The following DTNA variants were observed in gnomAD, a reference collection of about 807,000 sequenced individuals.
DTNA encodes the protein dystrophin-related protein 3.
Under a neutral mutation model 100.7 loss-of-function variants are expected in DTNA, and 43 were observed. The ratio of observed to expected loss-of-function variants is 0.43; its 90% CI spans 0.33 to 0.55. DTNA has a LOEUF of 0.55. DTNA is among the 20% of genes least tolerant of loss of function. The pLI, the probability that DTNA is intolerant of heterozygous loss-of-function variation, is 0.04. For synonymous variants in DTNA, 349 were observed against 347.9 expected, an observed-to-expected ratio of 1.00 and a Z score of -0.04; for missense variants, 798 against 953.9, an observed-to-expected ratio of 0.84 and a Z score of 2.15.
rs267605180 is a variant in DTNA, at chr18:34,875,355, C to G, written c.1860C>G (p.Ser620=). Residue 620 remains serine (S), a synonymous_variant, in exon 18 of 23, where the codon TCC becomes TCG. Coordinates refer to ENST00000444659, the MANE Select transcript of DTNA (RefSeq NM_001386795.1). ...CCCCGACGCACACGCCGCAGGACTC[C>G]CTCACAGGAGTAGGGGGAGATGTAC... ...CSTPTHTPQD[S]LTGVGGDVQE... 6.2e-7 allele frequency: 1 copy of G among 1,614,194 alleles called. No homozygotes were observed. The highest frequency in any genetic ancestry group is 8.5e-7 in the Non-Finnish European group (1 of 1,180,038).
At chr18:34,875,537 C>G (rs1322725999) in intron 18 of DTNA, 139 bp downstream of exon 18, 1 of 1,312,058 alleles carries the variant, frequency 7.6e-7, no homozygotes, top group African/African-American at 1.5e-5. Flanking sequence ...GCCTGGCCTG[C>G]CAGCCATTTT....
intron 1 of DTNA, among the ~76,000 whole-genome samples, chr18:34,611,133 G>GA (rs1216940309): frequency 1.3e-5 from 2 of 152,150 alleles, no homozygotes; most frequent in Non-Finnish European, 2.9e-5. Context: ...CATATGCTCA[G>GA]AAAAAATATA....
chr18:34,526,935 T>C (rs1328112893), intron 1 of DTNA, among the ~76,000 whole-genome samples: 1 of 152,148 alleles, frequency 6.6e-6, no homozygotes, highest in Non-Finnish European at 1.5e-5. Context: ...TTTTCAATGC[T>C]GTGATGATTT....
At chr18:34,661,150 C>G (rs771345973) in intron 1 of DTNA, among the ~76,000 whole-genome samples, 1 of 152,150 alleles carries the variant, frequency 6.6e-6, no homozygotes, top group Non-Finnish European at 1.5e-5. Context: ...ATTCCATTCT[C>G]CACCCTGAAA....
intron 1 of DTNA, among the ~76,000 whole-genome samples, chr18:34,731,578 AATG>A (rs934155990): frequency 2.6e-5 from 4 of 152,316 alleles, no homozygotes; most frequent in East Asian, 1.9e-4. Context: ...ATAATGAAGA[AATG>A]ATGATGATGA....
At chr18:34,858,607 G>A (rs2096580143) in intron 16 of DTNA, among the ~76,000 whole-genome samples, 2 of 152,170 alleles carry the variant, frequency 1.3e-5, no homozygotes, top group Admixed American at 1.3e-4. Context: ...GGGAAAAGCA[G>A]TGTGTTTCTG....
At chr18:34,532,206 A>G (rs76646883) in intron 1 of DTNA, among the ~76,000 whole-genome samples, 1,579 of 152,266 alleles carry the variant, frequency 0.01, 34 homozygotes, top group African/African-American at 0.036. Context: ...AAGGGAGGAA[A>G]GATGACATAA....
intron 1 of DTNA, among the ~76,000 whole-genome samples, chr18:34,498,540 A>G (rs2039542801): frequency 6.6e-6 from 1 of 151,612 alleles, no homozygotes; most frequent in East Asian, 1.9e-4. Context: ...TCAATAACTG[A>G]TGCTCTCACT....
At chr18:34,783,158 G>T (rs925760878) in intron 3 of DTNA, among the ~76,000 whole-genome samples, 1 of 151,994 alleles carries the variant, frequency 6.6e-6, no homozygotes, top group African/African-American at 2.4e-5. Context: ...GTAATCCTTG[G>T]TATAATACTT....
At chr18:34,716,540 G>A (rs935395413) in intron 1 of DTNA, among the ~76,000 whole-genome samples, 3 of 152,082 alleles carry the variant, frequency 2.0e-5, no homozygotes, top group Non-Finnish European at 4.4e-5. Flanking sequence ...TCCGGCCTGG[G>A]CAACAAGAGT....
intron 3 of DTNA, among the ~76,000 whole-genome samples, chr18:34,793,295 G>T (rs1178276334): frequency 6.6e-6 from 1 of 152,120 alleles, no homozygotes; most frequent in Non-Finnish European, 1.5e-5. Flanking sequence ...AGACCTCAGG[G>T]CAAATAGGGA....
chr18:34,608,347 C>T (rs929784471), intron 1 of DTNA, among the ~76,000 whole-genome samples: 4 of 151,968 alleles, frequency 2.6e-5, no homozygotes, highest in Admixed American at 2.0e-4. Flanking sequence ...ATTAGCAGTG[C>T]TAAAAATAAA....
At chr18:34,581,628 T>G (rs959583941) in intron 1 of DTNA, among the ~76,000 whole-genome samples, 2 of 150,418 alleles carry the variant, frequency 1.3e-5, no homozygotes, top group East Asian at 3.9e-4. Flanking sequence ...TTAGTTTTTT[T>G]TTTTTTTTTT....
intron 4 of DTNA, among the ~76,000 whole-genome samples, chr18:34,799,696 T>C (rs1025495825): frequency 1.3e-5 from 2 of 152,214 alleles, no homozygotes; most frequent in African/African-American, 4.8e-5. Context: ...TCAAAATTTC[T>C]ACATCCTGCT....
chr18:34,555,922 C>T (rs1171285904), intron 1 of DTNA, among the ~76,000 whole-genome samples: 3 of 151,614 alleles, frequency 2.0e-5, no homozygotes, highest in African/African-American at 7.3e-5. Flanking sequence ...TCCTGGGTAT[C>T]CTTGTTGACT....
chr18:34,794,269 T>C lies in DTNA; in HGVS notation c.362+19T>C. 1 of 1,613,860 alleles carries C rather than the reference T, an allele frequency of 6.2e-7. No individual in the cohort carries two copies. Among genetic ancestry groups the C allele is most frequent in the Non-Finnish European group, 8.5e-7 (1 of 1,179,768 alleles). ...TTGATCCGTAAGCACCCTCTGAATGTCTGTTCCTCTCTACATGTTTGGCTT... is the reference window on the plus strand; with the variant it reads ...TTGATCCGTAAGCACCCTCTGAATGCCTGTTCCTCTCTACATGTTTGGCTT... On this transcript the variant is annotated intron_variant, in intron 4 of 22. Coordinates refer to ENST00000444659, the MANE Select transcript of DTNA (RefSeq NM_001386795.1).
At chr18:34,558,883 GAGGCCAGTACTAAGAT>G (rs1026954577) in intron 1 of DTNA, among the ~76,000 whole-genome samples, 1 of 152,206 alleles carries the variant, frequency 6.6e-6, no homozygotes, top group Non-Finnish European at 1.5e-5. Context: ...GCTAAGAGAT[GAGGCCAGTACTAAGAT>G]AGCCAGAATG....
chr18:34,697,234 A>T (rs1380714991), intron 1 of DTNA, among the ~76,000 whole-genome samples: 1 of 152,188 alleles, frequency 6.6e-6, no homozygotes, highest in Non-Finnish European at 1.5e-5. Context: ...TTTTCAGATG[A>T]TGAAGTGGAG....
chr18:34,877,919 G>T, intron 19 of DTNA, 111 bp downstream of exon 19: 1 of 992,978 alleles, frequency 1.0e-6, no homozygotes, highest in Middle Eastern at 2.1e-4. Flanking sequence ...ATTCTTTAAA[G>T]CTCTATGTGA....
Sources: gnomAD v4.1 joint callset for allele counts (sites outside exome capture counted in the v4.1 genomes callset) on GRCh38, gnomAD v4.1.1 for gene constraint, MANE v1.5 for transcripts, NCBI Gene and HGNC (gene_info 2026-07-23, HGNC 2026-07-21) for gene names.